DLGAP2: variants seen among roughly 807,000 people sequenced by gnomAD.
The protein encoded by DLGAP2 is DLG associated protein 2.
Under a neutral mutation model 100.3 loss-of-function variants are expected in DLGAP2, and 26 were observed. The observed-to-expected ratio is 0.26, with a 90% CI of 0.19 to 0.36. The LOEUF is 0.36. DLGAP2 is among the 10% of genes least tolerant of loss of function. DLGAP2 has a pLI of 1.00. For synonymous variants in DLGAP2, 886 were observed against 630.1 expected (o/e 1.41, Z -6.08); for missense variants, 1,858 against 1,453.2 (o/e 1.28, Z -4.53).
chr8:1,123,820 G>A (rs1267142836), intron 2 of DLGAP2, among the ~76,000 whole-genome samples: 1 of 151,952 alleles, frequency 6.6e-6, no homozygotes, highest in East Asian at 1.9e-4. Context: ...AATTAATAAT[G>A]TCAAGGATTA....
At chr8:877,534 G>T (rs970530544) in intron 1 of DLGAP2, among the ~76,000 whole-genome samples, 2 of 152,190 alleles carry the variant, frequency 1.3e-5, no homozygotes, top group Admixed American at 6.5e-5. Context: ...TTGCAATTGT[G>T]GGCATACATT....
At chr8:878,060 T>C (rs1212375104) in intron 1 of DLGAP2, among the ~76,000 whole-genome samples, 1 of 152,184 alleles carries the variant, frequency 6.6e-6, no homozygotes, top group African/African-American at 2.4e-5. Flanking sequence ...TGTAGATGTT[T>C]TGTTGTTGTC....
intron 3 of DLGAP2, among the ~76,000 whole-genome samples, chr8:1,333,763 A>G (rs1801210847): frequency 6.6e-6 from 1 of 152,224 alleles, no homozygotes; most frequent in South Asian, 2.1e-4. Context: ...CCCAATTTTA[A>G]TGGGGAACTT....
intron 1 of DLGAP2, among the ~76,000 whole-genome samples, chr8:799,750 C>T (rs538686821): frequency 5.9e-5 from 9 of 152,196 alleles, no homozygotes; most frequent in Non-Finnish European, 1.2e-4. Flanking sequence ...GTGCACGCCC[C>T]CACATCCAGC....
chr8:1,317,016 C>T (rs1424358907), intron 3 of DLGAP2, among the ~76,000 whole-genome samples: 3 of 92,356 alleles, frequency 3.2e-5, no homozygotes, highest in Admixed American at 1.2e-4. Context: ...TCGAGAAACT[C>T]GGCAGCTTTT....
chr8:857,663 C>T (rs562428941), intron 1 of DLGAP2, among the ~76,000 whole-genome samples: 1 of 152,162 alleles, frequency 6.6e-6, no homozygotes, highest in Non-Finnish European at 1.5e-5. Flanking sequence ...AAGATCCAGA[C>T]ACTGGCAACA....
At chr8:1,033,261 C>G (rs1435826503) in intron 2 of DLGAP2, among the ~76,000 whole-genome samples, 1 of 152,174 alleles carries the variant, frequency 6.6e-6, no homozygotes, top group East Asian at 1.9e-4. Flanking sequence ...ACAGGCCCCT[C>G]GCCTCGTGAT....
intron 2 of DLGAP2, among the ~76,000 whole-genome samples, chr8:1,093,005 T>C (rs1489159810): frequency 6.6e-6 from 1 of 152,118 alleles, no homozygotes; most frequent in Non-Finnish European, 1.5e-5. Flanking sequence ...ATCCCCAGAG[T>C]AGGCCATGGG....
intron 2 of DLGAP2, chr8:1,250,280 C>G (rs895925050): frequency 2.6e-5 from 4 of 152,240 alleles, no homozygotes; most frequent in Non-Finnish European, 5.9e-5. Flanking sequence ...AGCAGAGAGG[C>G]TGAGCTGTGA....
chr8:1,550,350 G>A (rs768372185), intron 5 of DLGAP2, among the ~76,000 whole-genome samples: 5 of 152,196 alleles, frequency 3.3e-5, no homozygotes, highest in African/African-American at 9.7e-5. Context: ...GCTCTCATGC[G>A]TGAGTCTGGC....
intron 2 of DLGAP2, among the ~76,000 whole-genome samples, chr8:1,172,493 C>T (rs1797150118): frequency 6.6e-6 from 1 of 152,218 alleles, no homozygotes; most frequent in Admixed American, 6.5e-5. Context: ...CAACTTGGTT[C>T]TGTTCTCCCT....
chr8:1,574,087 G>T (rs1022217343), intron 6 of DLGAP2, among the ~76,000 whole-genome samples: 1 of 152,156 alleles, frequency 6.6e-6, no homozygotes, highest in Non-Finnish European at 1.5e-5. Context: ...GGGTAGGAGA[G>T]CATCAGCCCT....
At chr8:1,548,479 A>C (rs1029907919) in intron 4 of DLGAP2, 147 bp from the exon 5 acceptor site, 3 of 574,044 alleles carry the variant, frequency 5.2e-6, no homozygotes, top group Non-Finnish European at 8.0e-6. Context: ...AAAAAAAAAA[A>C]AAAAACCCAC....
At chr8:1,374,214 G>A (rs758427659) in intron 3 of DLGAP2, among the ~76,000 whole-genome samples, 5 of 152,044 alleles carry the variant, frequency 3.3e-5, no homozygotes, top group Non-Finnish European at 5.9e-5. Flanking sequence ...GCAGAAGGCT[G>A]TGGTGGAGGG....
intron 5 of DLGAP2, among the ~76,000 whole-genome samples, chr8:1,560,593 G>C (rs1228227184): frequency 6.6e-6 from 1 of 152,174 alleles, no homozygotes; most frequent in Admixed American, 6.5e-5. Flanking sequence ...GACATGACCA[G>C]TCCGAAGGCC....
intron 2 of DLGAP2, among the ~76,000 whole-genome samples, chr8:920,140 A>G (rs965032847): frequency 6.6e-6 from 1 of 152,196 alleles, no homozygotes; most frequent in Admixed American, 6.5e-5. Context: ...GAGTCCCAGG[A>G]GGGGACACAC....
At chr8:893,400 C>T (rs1027857009) in intron 1 of DLGAP2, among the ~76,000 whole-genome samples, 1 of 152,224 alleles carries the variant, frequency 6.6e-6, no homozygotes, top group South Asian at 2.1e-4. Flanking sequence ...ATTCATCTAA[C>T]TTACGTGTCG....
intron 2 of DLGAP2, among the ~76,000 whole-genome samples, chr8:920,987 C>G (rs1411762308): frequency 6.6e-6 from 1 of 152,040 alleles, no homozygotes; most frequent in Non-Finnish European, 1.5e-5. Flanking sequence ...CCCGGGTGCT[C>G]TTGGAAACCT....
intron 1 of DLGAP2, among the ~76,000 whole-genome samples, chr8:882,395 T>A (rs1797824601): frequency 7.1e-6 from 1 of 140,962 alleles, no homozygotes; most frequent in Non-Finnish European, 1.5e-5. Flanking sequence ...GCGGTACCTC[T>A]CCCTGCGGAG....
Sources: gnomAD v4.1 joint callset for allele counts (sites outside exome capture counted in the v4.1 genomes callset) on GRCh38, gnomAD v4.1.1 for gene constraint, MANE v1.5 for transcripts, NCBI Gene and HGNC (gene_info 2026-07-23, HGNC 2026-07-21) for gene names.